MUC12: variants seen among roughly 807,000 people sequenced by gnomAD.
MUC12 encodes mucin-12.
A neutral mutation model predicts 230.8 loss-of-function variants in MUC12; 172 were observed. That is an observed-to-expected ratio of 0.75 (90% CI 0.66 to 0.85). The LOEUF (loss-of-function observed/expected upper bound fraction) is 0.85, where lower values mean the gene tolerates loss of function less well. MUC12 is among the 40% of genes least tolerant of loss of function. MUC12 has a pLI of 0.00. For synonymous variants in MUC12, 1,259 were observed against 2,401.9 expected (o/e 0.52, Z 13.91); for missense variants, 3,506 against 5,920.6 (o/e 0.59, Z 13.38).
intron 10 of MUC12, 84 bp from the exon 11 acceptor site, chr7:101,017,491 T>G: frequency 1.2e-6 from 1 of 865,942 alleles, no homozygotes; most frequent in Non-Finnish European, 1.8e-6. Context: ...GGCTGACTCT[T>G]CCTTTTGCCA....
In MUC12 at chr7:101,005,161, T is replaced by A; in HGVS notation, c.14598T>A (p.Ser4866=). 1 of 1,537,954 alleles carries A rather than the reference T, an allele frequency of 6.5e-7. No individual in the cohort carries two copies. The highest frequency in any genetic ancestry group is 2.4e-5 in the East Asian group (1 of 40,922). The change falls in exon 2 of 12, where the codon TCT becomes TCA. Residue 4866 remains serine (S), a synonymous_variant. Coordinates refer to ENST00000536621, the MANE Select transcript of MUC12 (RefSeq NM_001164462.2). ...GCTCAACTGAAACCACAGCGTTTTC[T>A]CACAGCAACACAATGTCCATTCATA... ...SPGSTETTAF[S]HSNTMSIHSQ... is the part of the protein sequence containing the mutation.
intron 1 of MUC12, among the ~76,000 whole-genome samples, chr7:100,983,291 G>T (rs74583616): frequency 0.096 from 14,486 of 151,652 alleles, 1,136 homozygotes; most frequent in Admixed American, 0.27. Flanking sequence ...ACAGTGGTGG[G>T]CACCTGTAAT....
chr7:100,977,050 C>CAAAAA (rs1157648244), intron 1 of MUC12, among the ~76,000 whole-genome samples: 47 of 62,426 alleles, frequency 7.5e-4, no homozygotes, highest in African/African-American at 1.3e-3. Context: ...GACTCCATCT[C>CAAAAA]AAAAAAAAAA....
In MUC12 at chr7:101,004,363, A is replaced by G. The variant is rs1446031301; in HGVS notation, c.13800A>G (p.Glu4600=). ...PARSTTSGLV[E]ESTAYHSSPG... ...GCTCCACAACCTCAGGCCTCGTTGAAGAATCTACGGCGTACCACAGCAGCC... is the reference window on the plus strand; with the variant it reads ...GCTCCACAACCTCAGGCCTCGTTGAGGAATCTACGGCGTACCACAGCAGCC... Residue 4600 remains glutamate (E), a synonymous_variant, in exon 2 of 12, where the codon GAA becomes GAG. Coordinates refer to ENST00000536621, the MANE Select transcript of MUC12 (RefSeq NM_001164462.2). The G allele has an allele frequency of 4.2e-6, 6 of 1,426,288 alleles. No homozygotes were observed. Among genetic ancestry groups the G allele is most frequent in the South Asian group, 1.3e-5 (1 of 78,310 alleles). 88.4% of individuals were successfully genotyped at this position (1,426,288 alleles called of 1,614,324 possible).
At position 100,995,712 on chromosome 7, in the gene MUC12, C is replaced by T. The variant is rs1319642071; in HGVS notation, c.5149C>T (p.His1717Tyr). ...CTTTGTTGAGCTATCTACAACCTCC[C>T]ACGGCAGCCCGAGCTCAACTCCAAC... ...SAFVELSTTS[H>Y]GSPSSTPTTH... Residue 1717 changes from histidine to tyrosine, a missense_variant, in exon 2 of 12, where the codon CAC becomes TAC. Physicochemically the swap from His to Tyr is moderately conservative, Grantham distance 83. Transcript: ENST00000536621. The T allele has an allele frequency of 3.8e-5, 59 of 1,536,746 alleles. No homozygotes were observed. Among genetic ancestry groups the T allele is most frequent in the Middle Eastern group, 1.7e-4 (1 of 6,010 alleles).
chr7:100,969,697 C>A lies in MUC12; in HGVS notation c.67+8C>A, dbSNP rs1252993256. 7 of 1,537,252 alleles carry A rather than the reference C, an allele frequency of 4.6e-6. No individual in the cohort carries two copies. The Admixed American group carries it at 1.4e-4, about 30-fold the overall frequency. Reference sequence around the variant, plus strand: ...TTACTACAGTGACACCAGGTGAGTGCTCCTGGGCTGATGCTCCAGGTCCAG... The same window carrying A: ...TTACTACAGTGACACCAGGTGAGTGATCCTGGGCTGATGCTCCAGGTCCAG... On this transcript the variant is annotated splice_region_variant and intron_variant, in intron 1 of 11. Coordinates refer to ENST00000536621, the MANE Select transcript of MUC12 (RefSeq NM_001164462.2).
At chr7:100,977,634 G>C (rs1333792589) in intron 1 of MUC12, among the ~76,000 whole-genome samples, 6 of 152,160 alleles carry the variant, frequency 3.9e-5, no homozygotes, top group African/African-American at 1.4e-4. Flanking sequence ...GAAGTGCTGG[G>C]ATTACAGGCA....
chr7:100,983,292 C>T (rs1437711455), intron 1 of MUC12, among the ~76,000 whole-genome samples: 1 of 151,676 alleles, frequency 6.6e-6, no homozygotes, highest in Non-Finnish European at 1.5e-5. Context: ...CAGTGGTGGG[C>T]ACCTGTAATC....
chr7:100,976,782 G>A (rs1311901660), intron 1 of MUC12, among the ~76,000 whole-genome samples: 4 of 151,918 alleles, frequency 2.6e-5, no homozygotes, highest in African/African-American at 9.7e-5. Context: ...GGGGCGTGGT[G>A]TCTCACGCCT....
At position 100,995,221 on chromosome 7, in the gene MUC12, G is replaced by C. The variant is rs1365987467; in HGVS notation, c.4658G>C (p.Ser1553Thr). 7.1e-7 allele frequency: 1 copy of C among 1,403,622 alleles called. No homozygotes were observed. 86.9% of individuals were successfully genotyped at this position (1,403,622 alleles called of 1,614,324 possible). A position where few individuals can be genotyped will look rare whatever the true frequency, so the allele number is the denominator to read the frequency against. Residue 1553 changes from serine (S) to threonine (T), a missense_variant, in exon 2 of 12, where the codon AGT (serine) becomes ACT (threonine). By Grantham distance (58) the Ser-to-Thr change is moderately conservative. Transcript: ENST00000536621. ...GLSEKSTTFY[S>T]SPRSPDTTLS... The stretch of plus-strand genomic sequence containing the variant: ...AGTGAGAAATCTACCACCTTCTACA[G>C]TAGCCCCAGATCACCGGACACAACA...
At position 101,004,574 on chromosome 7, in the gene MUC12, C is replaced by A. The variant is rs568266417; in HGVS notation, c.14011C>A (p.Pro4671Thr). The change falls in exon 2 of 12, where the codon CCT becomes ACT. Residue 4671 changes from proline (P) to threonine (T), a missense_variant. Physicochemically the swap from Pro to Thr is conservative, Grantham distance 38. Coordinates refer to ENST00000536621, the MANE Select transcript of MUC12 (RefSeq NM_001164462.2). ...GGGCTCAATTGCAACAACACACTTTCCTGAGAGCTCCACAACCTCCGGCCG... is the reference window on the plus strand; with the variant it reads ...GGGCTCAATTGCAACAACACACTTTACTGAGAGCTCCACAACCTCCGGCCG... ...SPGSIATTHF[P>T]ESSTTSGRSE... 69 of 1,536,924 alleles carry A rather than the reference C, an allele frequency of 4.5e-5. No homozygotes were observed. Among genetic ancestry groups the A allele is most frequent in the Non-Finnish European group, 5.3e-5 (61 of 1,146,558 alleles).
At chr7:101,008,596 G>A in intron 3 of MUC12, 38 bp from the exon 4 acceptor site, 4 of 1,526,758 alleles carry the variant, frequency 2.6e-6, no homozygotes, top group Non-Finnish European at 3.5e-6. Context: ...ATTATTGGGA[G>A]GTCGCTGTCT....
At chr7:100,987,786 AACATGGAGAAAC>A (rs980826813) in intron 1 of MUC12, among the ~76,000 whole-genome samples, 11 of 152,014 alleles carry the variant, frequency 7.2e-5, no homozygotes, top group African/African-American at 2.7e-4. Flanking sequence ...CAGCCTGACC[AACATGGAGAAAC>A]CCCACCTCTA....
At chr7:100,981,581 C>T (rs1031364036) in intron 1 of MUC12, 1 of 438,780 alleles carries the variant, frequency 2.3e-6, no homozygotes, top group East Asian at 3.5e-5. Context: ...GATGGGGATT[C>T]GGTCACTTAG....
chr7:100,974,784 C>G (rs1271188537), intron 1 of MUC12, among the ~76,000 whole-genome samples: 1 of 152,306 alleles, frequency 6.6e-6, no homozygotes, highest in Non-Finnish European at 1.5e-5. Context: ...GTGATTGTGC[C>G]ACTGCATTCC....
rs780475004 is a variant in MUC12 at position 101,002,782 on chromosome 7, T to C, written c.12219T>C (p.Leu4073=). ...CTGCCAGCTCCACAAGCACTGGCCT[T>C]CAGGAAGAATCTACCACTTTCCAGA... The part of the protein sequence containing the change: ...LTPASSTSTG[L]QEESTTFQSW... The change falls in exon 2 of 12, where the codon CTT becomes CTC. Residue 4073 remains leucine, a synonymous_variant. Transcript: ENST00000536621. 5.1e-6 allele frequency: 6 copies of C among 1,172,216 alleles called. 1 individual carries two copies. The South Asian group carries it at 8.2e-5, about 16-fold the overall frequency. The allele number at this position is 1,172,216 out of a possible 1,614,324, so 72.6% of individuals were successfully genotyped here.
chr7:101,009,175 G>A lies in MUC12; in HGVS notation c.15251+16G>A. On this transcript the variant is annotated intron_variant, in intron 5 of 11. Transcript: ENST00000536621. ...GGAGATTGCTGTGAGTATATTGGGG[G>A]GCAGGTTTATAGATGTGGGGAAATC... The A allele has an allele frequency of 2.6e-6, 4 of 1,536,438 alleles. No homozygotes were observed. The highest frequency in any genetic ancestry group is 3.5e-6 in the Non-Finnish European group (4 of 1,145,788).
intron 5 of MUC12, 58 bp from the exon 6 acceptor site, chr7:101,012,238 C>T: frequency 1.3e-6 from 2 of 1,522,698 alleles, no homozygotes; most frequent in East Asian, 2.5e-5. Context: ...GGTGCTTGGG[C>T]TCCACTTGCT....
chr7:100,972,659 T>C (rs1295645420), intron 1 of MUC12, among the ~76,000 whole-genome samples: 1 of 152,066 alleles, frequency 6.6e-6, no homozygotes, highest in African/African-American at 2.4e-5. Flanking sequence ...TGCGCCAACA[T>C]GCTCAGCTAA....
Sources: allele counts gnomAD v4.1 joint callset (sites outside exome capture counted in the v4.1 genomes callset), GRCh38; gene constraint gnomAD v4.1.1; transcripts MANE v1.5; gene names NCBI Gene and HGNC (gene_info 2026-07-23, HGNC 2026-07-21).